The following TRPV5 variants were observed in gnomAD, a reference collection of about 807,000 sequenced individuals.
TRPV5 encodes the protein transient receptor potential cation channel subfamily V member 5.
TRPV5 carries 66 observed loss-of-function variants against 74.1 expected under a neutral mutation model. The observed-to-expected ratio is 0.89, with a 90% CI of 0.73 to 1.09. The LOEUF is 1.09. Ranked by LOEUF, TRPV5 falls within the 50% of genes least tolerant of loss-of-function variation. TRPV5 has a pLI of 0.00. For missense variants in TRPV5, 936 were observed against 930.4 expected (o/e 1.01, Z -0.08); for synonymous variants, 399 against 360.7 (o/e 1.11, Z -1.20).
Position 142,928,191 on chromosome 7 carries a change from G to A in TRPV5, c.806C>T (p.Thr269Met), listed in dbSNP as rs141909216. 19 of 1,614,056 alleles carry A rather than the reference G, an allele frequency of 1.2e-5. No homozygotes were observed. Among genetic ancestry groups the A allele is most frequent in the African/African-American group, 2.7e-5 (2 of 75,032 alleles). The change falls in exon 7 of 15, where the codon ACG becomes ATG. Residue 269 changes from threonine to methionine, a missense_variant. By Grantham distance (81) the Thr-to-Met change is moderately conservative. Coordinates refer to ENST00000265310, the MANE Select transcript of TRPV5 (RefSeq NM_019841.7). ...LMQKRRHIQW[T>M]YGPLTSILYD... ...GAGAATGGAGGTCAGGGGTCCATAC[G>A]TCCACTGGATGTGCCTCCGCTTCTG... is the stretch of plus-strand genomic sequence containing the variant.
At chr7:142,929,332 C>A (rs1344715596) in intron 4 of TRPV5, 96 bp downstream of exon 4, 34 of 1,557,794 alleles carry the variant, frequency 2.2e-5, no homozygotes, top group Non-Finnish European at 2.9e-5. Context: ...AACTGCCCAA[C>A]AGATGGAGCT....
intron 11 of TRPV5, 56 bp downstream of exon 11, chr7:142,914,825 C>G: frequency 1.2e-6 from 2 of 1,610,850 alleles, no homozygotes; most frequent in South Asian, 2.2e-5. Context: ...ACCTCCATCC[C>G]TCTGTCTGTG....
rs1795973509 is a variant in TRPV5, at chr7:142,925,642, G to A, written c.1009C>T (p.Leu337=). 1 of 1,614,206 alleles carries A rather than the reference G, an allele frequency of 6.2e-7. No homozygotes were observed. Among genetic ancestry groups the A allele is most frequent in the Non-Finnish European group, 8.5e-7 (1 of 1,180,046 alleles). The part of the protein sequence containing the change: ...PYFCILAALY[L]LYMICFTTCC... The stretch of plus-strand genomic sequence containing the variant: ...GTAGTAAAGCAGATCATGTAGAGCA[G>A]GTACAAGGCAGCCAGGATGCAGAAG... Residue 337 remains leucine, a synonymous_variant, in exon 8 of 15, where the codon CTG becomes TTG. Coordinates refer to ENST00000265310, the MANE Select transcript of TRPV5 (RefSeq NM_019841.7).
At position 142,908,511 on chromosome 7, in the gene TRPV5, T is replaced by C. The variant is rs1208471995; in HGVS notation, c.*3A>G. On this transcript the variant is annotated 3_prime_UTR_variant, in exon 15 of 15. Transcript: ENST00000265310. ...GTAAGGTCAAGAGTGATAGCGATGT[T>C]AATCAAAAATGGTAGACCTCCTCTC... is the stretch of plus-strand genomic sequence containing the variant. 79 of 1,613,706 alleles carry C rather than the reference T, an allele frequency of 4.9e-5. No individual in the cohort carries two copies. The highest frequency in any genetic ancestry group is 6.4e-5 in the Non-Finnish European group (76 of 1,179,586).
At position 142,930,162 on chromosome 7, in the gene TRPV5, G is replaced by A. The variant is rs755851621; in HGVS notation, c.245C>T (p.Ala82Val). 1.9e-5 allele frequency: 30 copies of A among 1,613,288 alleles called. No individual in the cohort carries two copies. Among genetic ancestry groups the A allele is most frequent in the African/African-American group, 5.3e-5 (4 of 74,840 alleles). ...VRQRGALGETALHIAALYDNL... is the reference protein window; with the variant it reads ...VRQRGALGETVLHIAALYDNL... Reference sequence around the variant, plus strand: ...GTCATAGAGGGCTGCTATGTGCAGCGCCGTCTCCCCCAGGGCTCCTGGATT... The same window carrying A: ...GTCATAGAGGGCTGCTATGTGCAGCACCGTCTCCCCCAGGGCTCCTGGATT... The change falls in exon 3 of 15, where the codon GCG becomes GTG. Residue 82 changes from alanine (A) to valine (V), a missense_variant. Physicochemically the swap from Ala to Val is moderately conservative, Grantham distance 64 (BLOSUM62 0). Transcript: ENST00000265310.
In TRPV5 at chr7:142,928,558, C is replaced by T. The variant is rs1190199569; in HGVS notation, c.762+133G>A. The T allele has an allele frequency of 6.2e-6, 8 of 1,280,860 alleles. No homozygotes were observed. In the South Asian group the frequency reaches 7.8e-5, roughly 13 times the overall value. The allele number at this position is 1,280,860 out of a possible 1,614,324, so 79.3% of individuals were successfully genotyped here. A position where few individuals can be genotyped will look rare whatever the true frequency, so the allele number is the denominator to read the frequency against. ...TGATGGAATAGGAAGCAAGGGACCACCATCCCTTTGGGGAGTTTGGGGAAA... is the reference window on the plus strand; with the variant it reads ...TGATGGAATAGGAAGCAAGGGACCATCATCCCTTTGGGGAGTTTGGGGAAA... On this transcript the variant is annotated intron_variant, in intron 6 of 14. Transcript: ENST00000265310.
Position 142,925,064 on chromosome 7 carries a change from C to G in TRPV5, c.1122+465G>C, listed in dbSNP as rs146651406. On this transcript the variant is annotated intron_variant, in intron 8 of 14. Coordinates refer to ENST00000265310, the MANE Select transcript of TRPV5 (RefSeq NM_019841.7). ...GAGTGTCTGACAGGCAGTCAGACAG[C>G]TGACACATTATTCCCATGGGCCCAT... 1.1e-3 allele frequency: 230 copies of G among 201,672 alleles called. 3 individuals are homozygous for G. Among genetic ancestry groups the G allele is most frequent in the East Asian group, 4.1e-3 (37 of 8,994 alleles). 12.5% of individuals were successfully genotyped at this position (201,672 alleles called of 1,614,324 possible).
chr7:142,908,623 T>G lies in TRPV5; in HGVS notation c.2081A>C (p.Gln694Pro), dbSNP rs1262246068. Residue 694 changes from glutamine to proline, a missense_variant, in exon 15 of 15, where the codon CAG becomes CCG. Transcript: ENST00000265310. ...CTCCCAGCCTCGGTGACTGCTGCTC[T>G]GGGACGCGGTCCGGGACAGGGAGGA... ...PTSSLSRTAS[Q>P]SSSHRGWEIL... 6.2e-7 allele frequency: 1 copy of G among 1,614,256 alleles called. No individual in the cohort carries two copies. Among genetic ancestry groups the G allele is most frequent in the Admixed American group, 1.7e-5 (1 of 60,038 alleles).
Position 142,912,500 on chromosome 7 carries a change from A to C in TRPV5, c.1770T>G (p.Asp590Glu), listed in dbSNP as rs781058028. The C allele has an allele frequency of 6.2e-7, 1 of 1,614,112 alleles. No individual in the cohort carries two copies. The highest frequency in any genetic ancestry group is 8.5e-7 in the Non-Finnish European group (1 of 1,179,930). ...DTHWRVAQERDELWRAQVVAT... is the reference protein window; with the variant it reads ...DTHWRVAQEREELWRAQVVAT... ...AACTCACCTGGGCCCTCCAGAGCTC[A>C]TCCCTCTCCTGGGCCACCCTCCAGT... Residue 590 changes from aspartate (D) to glutamate (E), a missense_variant, in exon 13 of 15, where the codon GAT (aspartate) becomes GAG (glutamate). Transcript: ENST00000265310.
intron 8 of TRPV5, among the ~76,000 whole-genome samples, chr7:142,916,464 C>G (rs1795800703): frequency 6.6e-6 from 1 of 150,660 alleles, no homozygotes; most frequent in Admixed American, 6.6e-5. Flanking sequence ...ATAATAAAAA[C>G]TGTATATCTT....
In TRPV5 at chr7:142,933,715, G is replaced by C; in HGVS notation, c.-256C>G. 1 of 488,834 alleles carries C rather than the reference G, an allele frequency of 2.0e-6. No individual in the cohort carries two copies. The highest frequency in any genetic ancestry group is 3.2e-5 in the South Asian group (1 of 31,614). 30.3% of individuals were successfully genotyped at this position (488,834 alleles called of 1,614,324 possible). A position where few individuals can be genotyped will look rare whatever the true frequency, so the allele number is the denominator to read the frequency against. ...GCATGCAGTGTGTGGTTGTGAGGTG[G>C]TGTGTGTGCATGCAGGTGCGCTGAG... On this transcript the variant is annotated 5_prime_UTR_variant, in exon 1 of 15. Coordinates refer to ENST00000265310, the MANE Select transcript of TRPV5 (RefSeq NM_019841.7).
intron 13 of TRPV5, 70 bp from the exon 14 acceptor site, chr7:142,909,666 C>G (rs1795674878): frequency 6.6e-7 from 1 of 1,526,082 alleles, no homozygotes. Flanking sequence ...ACTGAGGCCA[C>G]TGATAAAGGG....
intron 1 of TRPV5, among the ~76,000 whole-genome samples, chr7:142,931,615 C>A (rs1404010581): frequency 1.3e-5 from 2 of 152,210 alleles, no homozygotes; most frequent in South Asian, 4.1e-4. Flanking sequence ...AAAGGACAGG[C>A]CGATGAGTGG....
rs138386848 is a variant in TRPV5 at position 142,932,643 on chromosome 7, C to T, written c.128+689G>A. 4.2e-3 allele frequency among the ~76,000 whole-genome samples: 643 copies of T among 152,272 alleles called. 5 individuals are homozygous for T. Among genetic ancestry groups the T allele is most frequent in the Non-Finnish European group, 6.8e-3 (460 of 68,020 alleles). On this transcript the variant is annotated intron_variant, in intron 1 of 14. Transcript: ENST00000265310. ...AAGCAGCCCACAGGATTCGTCCCTG[C>T]CCCAGCTGCTCTTCCTGGGACTGGA...
Position 142,930,114 on chromosome 7 carries a change from A to C in TRPV5, c.293T>G (p.Leu98Arg), listed in dbSNP as rs1437112985. Residue 98 changes from leucine to arginine, a missense_variant, in exon 3 of 15, where the codon CTG (leucine) becomes CGG (arginine). Coordinates refer to ENST00000265310, the MANE Select transcript of TRPV5 (RefSeq NM_019841.7). ...GACCAGCTCTGGGGCAGCCTCCATC[A>C]GCACCAAGGCCGCCTCCAAGTTGTC... The part of the protein sequence containing the change: ...LYDNLEAALV[L>R]MEAAPELVFE... The C allele has an allele frequency of 6.2e-7, 1 of 1,614,096 alleles. No individual in the cohort carries two copies. The highest frequency in any genetic ancestry group is 8.5e-7 in the Non-Finnish European group (1 of 1,180,040).
chr7:142,928,978 G>T, intron 5 of TRPV5, 44 bp downstream of exon 5: 2 of 1,612,774 alleles, frequency 1.2e-6, no homozygotes, highest in Non-Finnish European at 1.7e-6. Flanking sequence ...CCTGTCCCTC[G>T]CTCCCCACAG....
Position 142,915,546 on chromosome 7 carries a change from T to C in TRPV5, c.1145A>G (p.Asp382Gly). The C allele has an allele frequency of 3.7e-6, 6 of 1,614,134 alleles. No individual in the cohort carries two copies. Among genetic ancestry groups the C allele is most frequent in the Non-Finnish European group, 4.2e-6 (5 of 1,180,034 alleles). The change falls in exon 9 of 15, where the codon GAT (aspartate) becomes GGT (glycine). Residue 382 changes from aspartate to glycine, a missense_variant. Coordinates refer to ENST00000265310, the MANE Select transcript of TRPV5 (RefSeq NM_019841.7). ...CAGCTCCCCCACCAGCCTGATGATA[T>C]CTTCACGTGTCTCATAGGCCTCCTA... ...LLQEAYETRE[D>G]IIRLVGELVS...
At chr7:142,928,024 A>G (rs1796015027) in intron 7 of TRPV5, 64 bp downstream of exon 7, 1 of 1,599,418 alleles carries the variant, frequency 6.3e-7, no homozygotes, top group African/African-American at 1.3e-5. Flanking sequence ...TAGTAAGTGG[A>G]CAGACTCTGC....
At chr7:142,924,067 T>A (rs1213745604) in intron 8 of TRPV5, among the ~76,000 whole-genome samples, 2 of 151,800 alleles carry the variant, frequency 1.3e-5, no homozygotes, top group African/African-American at 4.8e-5. Context: ...CTTATTTTCC[T>A]CATGTCTCCA....
Sources: gnomAD v4.1 joint callset for allele counts (sites outside exome capture counted in the v4.1 genomes callset) on GRCh38, gnomAD v4.1.1 for gene constraint, MANE v1.5 for transcripts, NCBI Gene and HGNC (gene_info 2026-07-23, HGNC 2026-07-21) for gene names.